RIMS2: variants seen among roughly 807,000 people sequenced by gnomAD.
RIMS2 encodes the protein regulating synaptic membrane exocytosis 2.
A neutral mutation model predicts 174.4 loss-of-function variants in RIMS2; 59 were observed. That is an observed-to-expected ratio of 0.34 (90% CI 0.27 to 0.42). The LOEUF is 0.42. RIMS2 is among the 10% of genes least tolerant of loss of function. RIMS2 has a pLI of 1.00. For synonymous variants in RIMS2, 606 were observed against 572.5 expected, an observed-to-expected ratio of 1.06 and a Z score of -0.84; for missense variants, 1,620 against 1,666.3, an observed-to-expected ratio of 0.97 and a Z score of 0.48.
chr8:104,220,887 A>G (rs1044637133), intron 19 of RIMS2, among the ~76,000 whole-genome samples: 2 of 152,154 alleles, frequency 1.3e-5, no homozygotes, highest in African/African-American at 4.8e-5. Flanking sequence ...GATTGCAGGC[A>G]TGAGCCACCT....
chr8:103,685,932 C>A (rs1277631580), intron 1 of RIMS2, among the ~76,000 whole-genome samples: 1 of 152,050 alleles, frequency 6.6e-6, no homozygotes, highest in Admixed American at 6.6e-5. Flanking sequence ...GTGATCTTAA[C>A]AATTTTAGTC....
chr8:103,638,178 C>G (rs551242178), intron 1 of RIMS2, among the ~76,000 whole-genome samples: 1 of 151,608 alleles, frequency 6.6e-6, no homozygotes, highest in Non-Finnish European at 1.5e-5. Flanking sequence ...AATTTCAGTC[C>G]CTATTTGAGG....
intron 19 of RIMS2, among the ~76,000 whole-genome samples, chr8:104,201,253 G>A (rs1402957547): frequency 6.6e-6 from 1 of 152,118 alleles, no homozygotes; most frequent in Non-Finnish European, 1.5e-5. Flanking sequence ...ATAATTAGAT[G>A]TAGGTGCTTT....
At chr8:103,556,936 G>T (rs1587683110) in intron 1 of RIMS2, among the ~76,000 whole-genome samples, 1 of 152,072 alleles carries the variant, frequency 6.6e-6, no homozygotes, top group African/African-American at 2.4e-5. Context: ...GGGACCTAAA[G>T]CTACTTCTAT....
intron 3 of RIMS2, among the ~76,000 whole-genome samples, chr8:103,817,581 G>C (rs546583705): frequency 1.5e-3 from 221 of 152,288 alleles, no homozygotes; most frequent in Non-Finnish European, 2.3e-3. Context: ...AGGAGTTTGA[G>C]ACCAGCCTGG....
intron 19 of RIMS2, among the ~76,000 whole-genome samples, chr8:104,077,081 A>T (rs2097309201): frequency 6.6e-6 from 1 of 152,174 alleles, no homozygotes; most frequent in Admixed American, 6.5e-5. Flanking sequence ...TGGCCTCACA[A>T]AGTGCTAGGA....
At chr8:103,893,742 A>T (rs1458792677) in intron 4 of RIMS2, among the ~76,000 whole-genome samples, 2 of 152,182 alleles carry the variant, frequency 1.3e-5, no homozygotes, top group African/African-American at 4.8e-5. Context: ...TGTATTGCCT[A>T]TCGGTTCTTT....
chr8:103,783,377 G>T (rs1329941722), intron 3 of RIMS2, among the ~76,000 whole-genome samples: 1 of 148,388 alleles, frequency 6.7e-6, no homozygotes, highest in Non-Finnish European at 1.5e-5. Flanking sequence ...CCACTAACTC[G>T]TCATCTAGCA....
At chr8:103,577,798 A>G (rs1262695707) in intron 1 of RIMS2, among the ~76,000 whole-genome samples, 1 of 152,206 alleles carries the variant, frequency 6.6e-6, no homozygotes, top group Non-Finnish European at 1.5e-5. Context: ...GACCTGAGAA[A>G]TATATTTCCT....
chr8:103,724,904 A>G (rs1370680488), intron 2 of RIMS2, among the ~76,000 whole-genome samples: 2 of 152,152 alleles, frequency 1.3e-5, no homozygotes, highest in Admixed American at 1.3e-4. Context: ...TGTTACTGGT[A>G]GCTTGTAGCC....
chr8:103,643,145 A>T (rs1010489439), intron 1 of RIMS2, among the ~76,000 whole-genome samples: 1 of 151,374 alleles, frequency 6.6e-6, no homozygotes, highest in African/African-American at 2.4e-5. Flanking sequence ...TTATTGACAT[A>T]TTTTCAAGCT....
At position 104,152,824 on chromosome 8, in the gene RIMS2, C is replaced by A. The variant is rs151197819; in HGVS notation, c.3335-92092C>A. 7.9e-5 allele frequency among the ~76,000 whole-genome samples: 12 copies of A among 152,018 alleles called. No individual in the cohort carries two copies. In the East Asian group the frequency reaches 2.1e-3, roughly 27 times the overall value. On this transcript the variant is annotated intron_variant, in intron 19 of 23. Coordinates refer to ENST00000504942, the Ensembl canonical transcript of RIMS2. ...TTAGTATTCTCTTTATTTTCCTGGT[C>A]TCTATGTGAAGATCTATATGTAATT...
chr8:104,149,840 T>A (rs2098674908), intron 19 of RIMS2, among the ~76,000 whole-genome samples: 1 of 152,194 alleles, frequency 6.6e-6, no homozygotes, highest in African/African-American at 2.4e-5. Flanking sequence ...GGGAATTTAG[T>A]CTTATTTAAC....
chr8:103,991,570 A>G (rs1192947615), intron 17 of RIMS2, among the ~76,000 whole-genome samples: 2 of 152,050 alleles, frequency 1.3e-5, no homozygotes, highest in African/African-American at 4.8e-5. Context: ...GTGAATTTTC[A>G]TGAATAGCAT....
intron 17 of RIMS2, among the ~76,000 whole-genome samples, chr8:104,000,506 G>T (rs1038523970): frequency 4.6e-5 from 7 of 151,756 alleles, no homozygotes; most frequent in African/African-American, 1.7e-4. Context: ...TGTAAATAGT[G>T]CTGCAGTAAA....
intron 1 of RIMS2, among the ~76,000 whole-genome samples, chr8:103,550,012 C>CT (rs1846978558): frequency 6.6e-6 from 1 of 152,116 alleles, no homozygotes; most frequent in Non-Finnish European, 1.5e-5. Flanking sequence ...TAATGGGAGA[C>CT]TTTAACACCT....
intron 17 of RIMS2, among the ~76,000 whole-genome samples, chr8:104,002,606 G>T (rs1380779652): frequency 6.6e-6 from 1 of 152,102 alleles, no homozygotes; most frequent in Non-Finnish European, 1.5e-5. Context: ...ACTGGAAATT[G>T]TTTCCTAGGA....
chr8:104,117,410 G>C (rs956468165), intron 19 of RIMS2, among the ~76,000 whole-genome samples: 10 of 150,074 alleles, frequency 6.7e-5, no homozygotes. Context: ...TTTAATAGAA[G>C]CAAGGTCTTG....
At chr8:103,577,368 C>T (rs1225761843) in intron 1 of RIMS2, among the ~76,000 whole-genome samples, 2 of 152,142 alleles carry the variant, frequency 1.3e-5, no homozygotes, top group East Asian at 1.9e-4. Context: ...ATCAAAACCA[C>T]AGTGAGACAC....
Sources: allele counts gnomAD v4.1 joint callset (sites outside exome capture counted in the v4.1 genomes callset), GRCh38; gene constraint gnomAD v4.1.1; transcripts MANE v1.5; gene names NCBI Gene and HGNC (gene_info 2026-07-23, HGNC 2026-07-21).